Variants in UTP20 observed in about 807,000 individuals in gnomAD.
The protein encoded by UTP20 is small subunit processome component 20 homolog.
Under a neutral mutation model 329.5 loss-of-function variants are expected in UTP20, and 164 were observed. The ratio of observed to expected loss-of-function variants is 0.50; its 90% CI spans 0.44 to 0.57. The LOEUF (loss-of-function observed/expected upper bound fraction) is 0.57. Ranked by LOEUF, UTP20 falls within the 20% of genes least tolerant of loss-of-function variation. The pLI, the probability that UTP20 is intolerant of heterozygous loss-of-function variation, is 0.00. For synonymous variants in UTP20, 1,151 were observed against 1,159.3 expected (o/e 0.99, Z 0.14); for missense variants, 3,055 against 3,284.2 (o/e 0.93, Z 1.71).
intron 21 of UTP20, among the ~76,000 whole-genome samples, chr12:101,315,953 A>G (rs1392385560): frequency 6.6e-6 from 1 of 152,194 alleles, no homozygotes; most frequent in Non-Finnish European, 1.5e-5. Context: ...GAGTTTAGAA[A>G]GATTTAGAGA....
intron 26 of UTP20, 99 bp from the exon 27 acceptor site, chr12:101,329,142 A>G (rs1868668257): frequency 9.7e-7 from 1 of 1,031,480 alleles, no homozygotes; most frequent in African/African-American, 1.6e-5. Flanking sequence ...AGTAGAAAAT[A>G]CTGTATTATT....
At chr12:101,326,161 T>C (rs1565794484) in intron 25 of UTP20, among the ~76,000 whole-genome samples, 1 of 152,226 alleles carries the variant, frequency 6.6e-6, no homozygotes, top group South Asian at 2.1e-4. Flanking sequence ...CCAGGAACGA[T>C]TAATCTGTAT....
At chr12:101,280,464 A>C (rs1347950628) in intron 1 of UTP20, 137 bp downstream of exon 1, 3 of 1,077,216 alleles carry the variant, frequency 2.8e-6, no homozygotes, top group Non-Finnish European at 4.1e-6. Flanking sequence ...CGAAAGAGGG[A>C]GACACTGGAT....
chr12:101,377,476 GTGT>G (rs1870513352), intron 56 of UTP20, among the ~76,000 whole-genome samples: 1 of 151,996 alleles, frequency 6.6e-6, no homozygotes, highest in Non-Finnish European at 1.5e-5. Context: ...GACTACAGGC[GTGT>G]GCCACCATGC....
At chr12:101,366,787 C>A in intron 47 of UTP20, 88 bp downstream of exon 47, 2 of 1,464,726 alleles carry the variant, frequency 1.4e-6, no homozygotes, top group Non-Finnish European at 1.8e-6. Context: ...CTGCTCACTT[C>A]CATTGGAAAT....
intron 12 of UTP20, among the ~76,000 whole-genome samples, chr12:101,296,280 C>G (rs1872345439): frequency 6.6e-6 from 1 of 152,090 alleles, no homozygotes; most frequent in African/African-American, 2.4e-5. Flanking sequence ...CTTTTAATAA[C>G]CACACTCCTG....
At chr12:101,366,741 G>A in intron 47 of UTP20, 42 bp downstream of exon 47, 1 of 1,587,494 alleles carries the variant, frequency 6.3e-7, no homozygotes, top group Non-Finnish European at 8.6e-7. Flanking sequence ...CTTTCAGGGA[G>A]TCTGCACCTT....
At position 101,321,520 on chromosome 12, in the gene UTP20, T is replaced by G. The variant is rs2137260617; in HGVS notation, c.2932T>G (p.Leu978Val). ...TTTTTAAAGGGAAAACTTACAAAGG[T>G]TGCTTGAAGACAGAAGCTTTAAGGA... ...VLPYRENLQR[L>V]LEDRSFKEEI... The change falls in exon 25 of 62, where the codon TTG becomes GTG. Residue 978 changes from leucine (L) to valine (V), a missense_variant. Physicochemically the swap from Leu to Val is conservative, Grantham distance 32. Transcript: ENST00000261637. 6.2e-7 allele frequency: 1 copy of G among 1,613,286 alleles called. No individual in the cohort carries two copies. Among genetic ancestry groups the G allele is most frequent in the South Asian group, 1.1e-5 (1 of 91,034 alleles).
intron 5 of UTP20, 45 bp downstream of exon 5, chr12:101,286,554 T>A (rs1871967772): frequency 7.0e-7 from 1 of 1,433,220 alleles, no homozygotes; most frequent in Admixed American, 2.2e-5. Flanking sequence ...TGCCTGCTTC[T>A]TTTTCCCTGG....
At chr12:101,364,746 G>T (rs1003989425) in intron 45 of UTP20, among the ~76,000 whole-genome samples, 1 of 152,150 alleles carries the variant, frequency 6.6e-6, no homozygotes, top group African/African-American at 2.4e-5. Context: ...GGTGCTAGAT[G>T]AACTCCATAA....
intron 56 of UTP20, among the ~76,000 whole-genome samples, chr12:101,376,949 A>G (rs1248435984): frequency 6.7e-6 from 1 of 149,826 alleles, no homozygotes; most frequent in Non-Finnish European, 1.5e-5. Flanking sequence ...CACCCGGCCA[A>G]TTTTTGTATT....
At chr12:101,302,804 G>A (rs1872555655) in intron 15 of UTP20, among the ~76,000 whole-genome samples, 1 of 152,046 alleles carries the variant, frequency 6.6e-6, no homozygotes, top group Admixed American at 6.6e-5. Flanking sequence ...AGTTTGAAGG[G>A]TTTGTAATGC....
At chr12:101,318,930 G>C (rs955643993) in intron 22 of UTP20, among the ~76,000 whole-genome samples, 1 of 151,164 alleles carries the variant, frequency 6.6e-6, no homozygotes, top group African/African-American at 2.4e-5. Context: ...TCCACTAACA[G>C]AAATAGTGTA....
At chr12:101,367,439 CTT>C (rs944068028) in intron 47 of UTP20, among the ~76,000 whole-genome samples, 4 of 152,192 alleles carry the variant, frequency 2.6e-5, no homozygotes, top group African/African-American at 4.8e-5. Flanking sequence ...TCACCATACT[CTT>C]TCCTGCCCTA....
At chr12:101,291,540 C>CGG (rs1555197535) in intron 8 of UTP20, 10 of 77,178 alleles carry the variant, frequency 1.3e-4, no homozygotes, top group African/African-American at 4.6e-4. Flanking sequence ...AACTCCATCT[C>CGG]AAAAAAAAAA....
intron 41 of UTP20, 45 bp downstream of exon 41, chr12:101,355,163 T>TGTTTTTTCC: frequency 6.3e-7 from 1 of 1,580,154 alleles, no homozygotes; most frequent in Non-Finnish European, 8.6e-7. Flanking sequence ...TGAATTCTGG[T>TGTTTTTTCC]GTTGGTGGAG....
chr12:101,364,649 A>G (rs1357110604), intron 45 of UTP20, among the ~76,000 whole-genome samples: 4 of 152,170 alleles, frequency 2.6e-5, no homozygotes, highest in Admixed American at 2.6e-4. Flanking sequence ...CATCCAGTAA[A>G]TGTTATTAAT....
chr12:101,356,585 A>C lies in UTP20; in HGVS notation c.5426A>C (p.Lys1809Thr), dbSNP rs764430407. The C allele has an allele frequency of 1.9e-6, 3 of 1,613,584 alleles. No homozygotes were observed. The highest frequency in any genetic ancestry group is 1.7e-6 in the Non-Finnish European group (2 of 1,179,732). The change falls in exon 42 of 62, where the codon AAG becomes ACG. Residue 1809 changes from lysine (K) to threonine (T), a missense_variant. Physicochemically the swap from Lys to Thr is moderately conservative, Grantham distance 78. Coordinates refer to ENST00000261637, the MANE Select transcript of UTP20 (RefSeq NM_014503.3). Reference sequence around the variant, plus strand: ...AGGGAAGAAGAACACAAGCTTGTCAAGTCAAAGGTTGTGAATGATGAGGAA... The same window carrying C: ...AGGGAAGAAGAACACAAGCTTGTCACGTCAAAGGTTGTGAATGATGAGGAA... The part of the protein sequence containing the change: ...TKREEEHKLV[K>T]SKVVNDEEVV...
chr12:101,344,778 C>G (rs758807457), intron 36 of UTP20, 28 bp downstream of exon 36: 2 of 1,596,048 alleles, frequency 1.3e-6, no homozygotes, highest in South Asian at 2.2e-5. Flanking sequence ...TTAGGCACTA[C>G]TGTCTGAGGC....
Sources: gnomAD v4.1 joint callset for allele counts (sites outside exome capture counted in the v4.1 genomes callset) on GRCh38, gnomAD v4.1.1 for gene constraint, MANE v1.5 for transcripts, NCBI Gene and HGNC (gene_info 2026-07-23, HGNC 2026-07-21) for gene names.